The following UBXN2A variants were observed in gnomAD, a reference collection of about 807,000 sequenced individuals.
The protein encoded by UBXN2A is UBX domain protein 2A.
Under a neutral mutation model 28.4 loss-of-function variants are expected in UBXN2A, and 28 were observed. The ratio of observed to expected loss-of-function variants is 0.99; its 90% confidence interval spans 0.73 to 1.35. The LOEUF (loss-of-function observed/expected upper bound fraction) is 1.35, where lower values mean the gene tolerates loss of function less well. Among genes scored for constraint, UBXN2A ranks in the 40% most tolerant of loss-of-function variants. The probability of loss-of-function intolerance (pLI) is 0.00; values close to 1 mark genes in which losing one functional copy is unlikely to be tolerated. For synonymous variants in UBXN2A, 97 were observed against 103.6 expected (o/e 0.94, Z 0.39); for missense variants, 253 against 297.9 (o/e 0.85, Z 1.11).
At chr2:23,944,269 G>T in intron 1 of UBXN2A, 1 of 1,604,806 alleles carries the variant, frequency 6.2e-7, no homozygotes, top group African/African-American at 1.3e-5. Flanking sequence ...CTAGGAAAAG[G>T]CCTGAAGATT....
At chr2:23,949,116 C>CTTTTTTTT (rs1223944833) in intron 1 of UBXN2A, among the ~76,000 whole-genome samples, 42 of 127,040 alleles carry the variant, frequency 3.3e-4, no homozygotes, top group Non-Finnish European at 4.1e-4. Context: ...ATTTTTTTTT[C>CTTTTTTTT]TTTTTTTTTT....
At chr2:23,955,344 A>G (rs376203668) in intron 1 of UBXN2A, among the ~76,000 whole-genome samples, 11 of 152,172 alleles carry the variant, frequency 7.2e-5, no homozygotes, top group Admixed American at 7.2e-4. Flanking sequence ...AAGAGTTTCT[A>G]CTTGTCTTTT....
chr2:23,996,163 T>G (rs1411255226), intron 6 of UBXN2A, among the ~76,000 whole-genome samples: 1 of 150,544 alleles, frequency 6.6e-6, no homozygotes. Context: ...GTTTCCTGGG[T>G]TCAAGTGATT....
At chr2:23,973,996 G>T (rs1199822527) in intron 3 of UBXN2A, among the ~76,000 whole-genome samples, 1 of 149,286 alleles carries the variant, frequency 6.7e-6, no homozygotes, top group South Asian at 2.1e-4. Context: ...ACAACTTATA[G>T]TAGCTGTTGA....
chr2:23,995,467 G>A (rs1373991318), intron 6 of UBXN2A, among the ~76,000 whole-genome samples: 2 of 151,886 alleles, frequency 1.3e-5, no homozygotes, highest in African/African-American at 4.8e-5. Flanking sequence ...TGAGGCGGGC[G>A]GATCACGAGG....
At chr2:23,991,842 A>G (rs2150912731) in intron 6 of UBXN2A, among the ~76,000 whole-genome samples, 1 of 152,070 alleles carries the variant, frequency 6.6e-6, no homozygotes, top group East Asian at 1.9e-4. Flanking sequence ...CCTAGGCTGG[A>G]GTGCAGTGGC....
intron 2 of UBXN2A, among the ~76,000 whole-genome samples, chr2:23,968,106 A>G (rs1036660235): frequency 6.6e-6 from 1 of 152,126 alleles, no homozygotes; most frequent in African/African-American, 2.4e-5. Context: ...AGTGATAGCT[A>G]TTCTCCATGA....
At chr2:23,944,417 G>A (rs1187493135) in intron 1 of UBXN2A, 1 of 1,091,702 alleles carries the variant, frequency 9.2e-7, no homozygotes, top group Non-Finnish European at 1.4e-6. Flanking sequence ...CAGTTTGTCA[G>A]TCTTATCTCC....
In UBXN2A at chr2:23,971,695, G is replaced by GC. The variant is rs1279028826; in HGVS notation, c.180+284dup. On this transcript the variant is annotated intron_variant, in intron 3 of 6. Coordinates refer to ENST00000309033, the MANE Select transcript of UBXN2A (RefSeq NM_181713.4). ...TGTAGAGACGGGGTCTTGCTTTGTT[G>GC]CCCAGGCTGGTCTCAAATTCCTGGG... Among the ~76,000 whole-genome samples, 3 of 151,622 alleles carry GC rather than the reference G, an allele frequency of 2.0e-5. 1 individual carries two copies.
At chr2:23,954,389 A>G (rs1263854204) in intron 1 of UBXN2A, among the ~76,000 whole-genome samples, 2 of 152,168 alleles carry the variant, frequency 1.3e-5, no homozygotes, top group Non-Finnish European at 2.9e-5. Flanking sequence ...CATTGCTTAT[A>G]TACACCTCAT....
At chr2:23,995,773 C>T (rs1269528831) in intron 6 of UBXN2A, among the ~76,000 whole-genome samples, 5 of 151,714 alleles carry the variant, frequency 3.3e-5, no homozygotes, top group Non-Finnish European at 5.9e-5. Context: ...AAAATAGTTA[C>T]GTCAAAGCAT....
upstream of UBXN2A, among the ~76,000 whole-genome samples, chr2:23,937,758 A>C (rs891416265): frequency 3.3e-5 from 5 of 152,244 alleles, no homozygotes; most frequent in Non-Finnish European, 7.3e-5. Context: ...AGAAGGTCTA[A>C]GTATGGTCAT....
chr2:23,953,086 A>T (rs1706453650), intron 1 of UBXN2A, among the ~76,000 whole-genome samples: 1 of 152,140 alleles, frequency 6.6e-6, no homozygotes, highest in Admixed American at 6.6e-5. Flanking sequence ...TTTGGAGAGT[A>T]AGAGGCAAGT....
At chr2:23,954,460 G>A (rs1706518824) in intron 1 of UBXN2A, among the ~76,000 whole-genome samples, 1 of 152,046 alleles carries the variant, frequency 6.6e-6, no homozygotes, top group Non-Finnish European at 1.5e-5. Flanking sequence ...TGGCTATTGT[G>A]AATATTGCTG....
At chr2:23,927,469 C>T in exon 1 of UBXN2A, 1 of 153,662 alleles carries the variant, frequency 6.5e-6, no homozygotes, top group Non-Finnish European at 1.4e-5. Context: ...GGAAGGGGAG[C>T]GGCGACGAAG....
intron 4 of UBXN2A, among the ~76,000 whole-genome samples, chr2:23,977,866 C>G (rs1462980307): frequency 6.6e-6 from 1 of 151,920 alleles, no homozygotes; most frequent in African/African-American, 2.4e-5. Context: ...GAGTCTTGCT[C>G]TTTTGCTCAG....
chr2:23,969,321 G>T (rs545448685), intron 2 of UBXN2A, among the ~76,000 whole-genome samples: 1 of 152,218 alleles, frequency 6.6e-6, no homozygotes, highest in South Asian at 2.1e-4. Flanking sequence ...AGGATTGCTT[G>T]AGCCCAGGAG....
At chr2:23,984,871 G>A in intron 6 of UBXN2A, 40 bp downstream of exon 6, 1 of 1,526,466 alleles carries the variant, frequency 6.6e-7, no homozygotes, top group South Asian at 1.3e-5. Context: ...TTTTCACCAA[G>A]TTAAAATTTC....
At chr2:23,939,061 G>T (rs1705624261), upstream of UBXN2A, among the ~76,000 whole-genome samples, 2 of 152,224 alleles carry the variant, frequency 1.3e-5, no homozygotes, top group South Asian at 4.1e-4. Flanking sequence ...CTGTAGGTGA[G>T]GATCAATCTC....
Sources: gnomAD v4.1 joint callset for allele counts (sites outside exome capture counted in the v4.1 genomes callset) on GRCh38, gnomAD v4.1.1 for gene constraint, MANE v1.5 for transcripts, NCBI Gene and HGNC (gene_info 2026-07-23, HGNC 2026-07-21) for gene names.